Variants in GSE1 observed in about 807,000 individuals in gnomAD.
GSE1 encodes the protein Gse1 coiled-coil protein.
Under a neutral mutation model 112.6 loss-of-function variants are expected in GSE1, and 32 were observed. The observed-to-expected ratio is 0.28, with a 90% CI of 0.21 to 0.38. The LOEUF (loss-of-function observed/expected upper bound fraction) is 0.38, where lower values mean the gene tolerates loss of function less well. Among genes scored for constraint, GSE1 ranks in the 10% least tolerant of loss-of-function variants. The pLI, the probability that GSE1 is intolerant of heterozygous loss-of-function variation, is 1.00. For missense variants in GSE1, 2,348 were observed against 1,699.2 expected, an observed-to-expected ratio of 1.38 and a Z score of -6.71; for synonymous variants, 1,115 against 735.6, an observed-to-expected ratio of 1.52 and a Z score of -8.35.
intron 2 of GSE1, among the ~76,000 whole-genome samples, chr16:85,485,733 C>A (rs564285617): frequency 6.6e-6 from 1 of 152,236 alleles, no homozygotes; most frequent in East Asian, 1.9e-4. Flanking sequence ...GTAATTGTTC[C>A]TGTAATTGGG....
chr16:85,526,254 C>T (rs2052361675), intron 2 of GSE1, among the ~76,000 whole-genome samples: 1 of 152,376 alleles, frequency 6.6e-6, no homozygotes. Context: ...AGAACCCTCT[C>T]CACAGTCCCT....
intron 1 of GSE1, among the ~76,000 whole-genome samples, chr16:85,264,366 A>G (rs1176997271): frequency 6.6e-6 from 1 of 151,928 alleles, no homozygotes; most frequent in Non-Finnish European, 1.5e-5. Context: ...GGTGAGGTAG[A>G]GGGGAGCCCT....
intron 2 of GSE1, among the ~76,000 whole-genome samples, chr16:85,647,730 G>A (rs147012518): frequency 7.7e-4 from 118 of 152,350 alleles, no homozygotes; most frequent in Middle Eastern, 3.4e-3. Flanking sequence ...GGGACTACAG[G>A]CGCGCGCCAT....
chr16:85,447,233 G>A (rs1382801478), intron 2 of GSE1, among the ~76,000 whole-genome samples: 2 of 152,152 alleles, frequency 1.3e-5, no homozygotes, highest in African/African-American at 4.8e-5. Context: ...GCCCTCCGTG[G>A]TCTGGGCCCT....
intron 2 of GSE1, among the ~76,000 whole-genome samples, chr16:85,364,169 T>A (rs2047139259): frequency 1.3e-5 from 2 of 152,224 alleles, no homozygotes; most frequent in African/African-American, 4.8e-5. Context: ...GCAGCTTCCT[T>A]GGCTGGAGGC....
intron 1 of GSE1, among the ~76,000 whole-genome samples, chr16:85,175,339 C>T (rs935402210): frequency 3.3e-5 from 5 of 152,160 alleles, no homozygotes; most frequent in African/African-American, 1.2e-4. Flanking sequence ...ACCCCTGCCC[C>T]AAGGACGGAC....
chr16:85,232,208 G>T (rs1904293930), intron 1 of GSE1, among the ~76,000 whole-genome samples: 1 of 152,200 alleles, frequency 6.6e-6, no homozygotes, highest in African/African-American at 2.4e-5. Flanking sequence ...CTCCTTCCTT[G>T]GGAGCTGCCT....
chr16:85,204,173 G>C lies in GSE1; in HGVS notation c.2283+32366G>C, dbSNP rs544829670. On this transcript the variant is annotated intron_variant, in intron 1 of 2. Coordinates refer to the GSE1 transcript ENST00000637419. ...TCCAGCGATTGTGAATCTCCTTTCC[G>C]TCTACAGATTTTTCTATTCTGGATA... Among the ~76,000 whole-genome samples, 18 of 152,242 alleles carry C rather than the reference G, an allele frequency of 1.2e-4. 1 individual carries two copies. In the East Asian group the frequency reaches 3.1e-3, roughly 26 times the overall value.
chr16:85,250,694 C>G (rs1387006574), intron 1 of GSE1, among the ~76,000 whole-genome samples: 2 of 152,130 alleles, frequency 1.3e-5, no homozygotes, highest in Admixed American at 6.5e-5. Context: ...ATCATGCAAG[C>G]CACTGATTTA....
chr16:85,332,172 CAT>C (rs2046389018), intron 1 of GSE1, among the ~76,000 whole-genome samples: 1 of 152,120 alleles, frequency 6.6e-6, no homozygotes, highest in Non-Finnish European at 1.5e-5. Flanking sequence ...AGAGGTGACT[CAT>C]ATGTAGAGGT....
intron 1 of GSE1, among the ~76,000 whole-genome samples, chr16:85,229,348 G>T (rs1433904760): frequency 6.6e-6 from 1 of 152,206 alleles, no homozygotes; most frequent in African/African-American, 2.4e-5. Flanking sequence ...CCGTGTCAAG[G>T]CCGGGAGCGG....
At chr16:85,246,234 CACACGCACA>C (rs1905674913) in intron 1 of GSE1, among the ~76,000 whole-genome samples, 1 of 141,778 alleles carries the variant, frequency 7.1e-6, no homozygotes, top group South Asian at 2.4e-4. Context: ...CACACACACA[CACACGCACA>C]CCACACGCTG....
chr16:85,392,667 T>C (rs1255465042), intron 2 of GSE1, among the ~76,000 whole-genome samples: 1 of 152,250 alleles, frequency 6.6e-6, no homozygotes, highest in Non-Finnish European at 1.5e-5. Flanking sequence ...CAGGCAATCC[T>C]ATTTGGGGGT....
intron 1 of GSE1, among the ~76,000 whole-genome samples, chr16:85,576,064 G>A (rs2046216982): frequency 6.6e-6 from 1 of 152,118 alleles, no homozygotes; most frequent in African/African-American, 2.4e-5. Flanking sequence ...TCTGTGCCAG[G>A]CCAGAGGCCC....
chr16:85,654,171 C>T (rs2051694769), intron 3 of GSE1, 107 bp from the exon 4 acceptor site: 2 of 1,009,262 alleles, frequency 2.0e-6, no homozygotes, highest in Admixed American at 2.5e-5. Context: ...GTTTCTAGAA[C>T]ATGAACTAAA....
chr16:85,558,540 G>T (rs1042750979), intron 1 of GSE1, among the ~76,000 whole-genome samples: 6 of 152,338 alleles, frequency 3.9e-5, no homozygotes, highest in Admixed American at 6.5e-5. Context: ...CATTAAGGAA[G>T]ATCAGCCCAG....
At chr16:85,466,307 G>A (rs985152188) in intron 2 of GSE1, among the ~76,000 whole-genome samples, 7 of 152,222 alleles carry the variant, frequency 4.6e-5, no homozygotes, top group African/African-American at 7.2e-5. Flanking sequence ...CCACGCAGGC[G>A]TGGTGATGTG....
At chr16:85,487,173 C>T (rs777573857) in intron 2 of GSE1, among the ~76,000 whole-genome samples, 2 of 152,156 alleles carry the variant, frequency 1.3e-5, no homozygotes, top group Admixed American at 6.5e-5. Context: ...TTGTCCTGCT[C>T]GAGGTGAGCA....
At chr16:85,512,154 T>G (rs1314888297) in intron 2 of GSE1, among the ~76,000 whole-genome samples, 1 of 152,190 alleles carries the variant, frequency 6.6e-6, no homozygotes, top group East Asian at 1.9e-4. Flanking sequence ...GGGCCCACCA[T>G]GGGCATTATT....
Sources: allele counts gnomAD v4.1 joint callset (sites outside exome capture counted in the v4.1 genomes callset), GRCh38; gene constraint gnomAD v4.1.1; transcripts MANE v1.5; gene names NCBI Gene and HGNC (gene_info 2026-07-23, HGNC 2026-07-21).